Variants in UBE4B observed in about 807,000 individuals in gnomAD.
The protein encoded by UBE4B is ubiquitin conjugation factor E4 B.
UBE4B carries 27 observed loss-of-function variants against 148.1 expected under a neutral mutation model. The ratio of observed to expected loss-of-function variants is 0.18; its 90% CI spans 0.13 to 0.25. The LOEUF (loss-of-function observed/expected upper bound fraction) is 0.25, where lower values mean the gene tolerates loss of function less well. UBE4B is among the 10% of genes least tolerant of loss of function. The pLI is 1.00. For missense variants in UBE4B, 1,170 were observed against 1,662.4 expected, an observed-to-expected ratio of 0.70 and a Z score of 5.15; for synonymous variants, 596 against 619.3, an observed-to-expected ratio of 0.96 and a Z score of 0.56.
chr1:10,095,344 C>A, intron 2 of UBE4B, 117 bp from the exon 3 acceptor site: 2 of 1,197,844 alleles, frequency 1.7e-6, no homozygotes, highest in Non-Finnish European at 2.3e-6. Context: ...AGAAATTCCT[C>A]GGTTGCTGCA....
chr1:10,111,421 G>T (rs1019006509), intron 7 of UBE4B, among the ~76,000 whole-genome samples: 2 of 152,088 alleles, frequency 1.3e-5, no homozygotes, highest in African/African-American at 4.8e-5. Flanking sequence ...CTAGACAGCT[G>T]TATGGCCGGC....
intron 10 of UBE4B, among the ~76,000 whole-genome samples, chr1:10,126,314 GA>G (rs1259844182): frequency 6.7e-6 from 1 of 150,082 alleles, no homozygotes; most frequent in African/African-American, 2.5e-5. Context: ...TAGATAGATA[GA>G]TAGATAGATA....
At position 10,132,457 on chromosome 1, in the gene UBE4B, C is replaced by T; in HGVS notation, c.2000C>T (p.Ala667Val). 6.2e-6 allele frequency: 10 copies of T among 1,614,084 alleles called. No individual in the cohort carries two copies. Among genetic ancestry groups the T allele is most frequent in the Non-Finnish European group, 7.6e-6 (9 of 1,179,990 alleles). Reference sequence around the variant, plus strand: ...AGTTACATGGCGGCTGTCGTCAATGCCAATATGAAGAAAGCACAGATGCAG... The same window carrying T: ...AGTTACATGGCGGCTGTCGTCAATGTCAATATGAAGAAAGCACAGATGCAG... Reference protein sequence around the residue: ...ALSYMAAVVNANMKKAQMQTD... With the variant: ...ALSYMAAVVNVNMKKAQMQTD... The change falls in exon 15 of 28, where the codon GCC becomes GTC. Residue 667 changes from alanine (A) to valine (V), a missense_variant. Coordinates refer to ENST00000343090, the MANE Select transcript of UBE4B (RefSeq NM_001105562.3).
Position 10,168,996 on chromosome 1 carries a change from T to C in UBE4B, c.3333+726T>C, listed in dbSNP as rs1317129882. On this transcript the variant is annotated intron_variant, in intron 24 of 27. Transcript: ENST00000343090. This position sits in a 1 kb window ranked among gnomAD's most constrained non-coding sequence, Gnocchi z 4.9. ...GACCGTGTAAAATCTTTGGCTCTCTTAGCTGTACCTTTGTTACACTCAGGA... is the reference window on the plus strand; with the variant it reads ...GACCGTGTAAAATCTTTGGCTCTCTCAGCTGTACCTTTGTTACACTCAGGA... Among the ~76,000 whole-genome samples, 1 of 152,202 alleles carries C rather than the reference T, an allele frequency of 6.6e-6. No individual in the cohort carries two copies. The highest frequency in any genetic ancestry group is 1.9e-4 in the East Asian group (1 of 5,208).
chr1:10,051,332 G>A (rs1198228624), intron 1 of UBE4B, among the ~76,000 whole-genome samples: 2 of 152,236 alleles, frequency 1.3e-5, no homozygotes, highest in African/African-American at 2.4e-5. Context: ...GCATGGTGTA[G>A]TGACCTGGCC....
chr1:10,145,754 G>A (rs948816739), intron 18 of UBE4B, among the ~76,000 whole-genome samples: 5 of 152,146 alleles, frequency 3.3e-5, no homozygotes, highest in Admixed American at 1.3e-4. Context: ...ATCTGTGGTA[G>A]TGGAAAGATC....
At chr1:10,158,597 C>T in intron 22 of UBE4B, 115 bp downstream of exon 22, 1 of 1,367,064 alleles carries the variant, frequency 7.3e-7, no homozygotes, top group South Asian at 1.5e-5. Context: ...GTCTCAGACT[C>T]CTTTGAGTTT....
chr1:10,163,589 A>G (rs1480256447), intron 23 of UBE4B, among the ~76,000 whole-genome samples: 1 of 151,352 alleles, frequency 6.6e-6, no homozygotes, highest in African/African-American at 2.4e-5. Flanking sequence ...AATTGCTTGA[A>G]CCCGGGAGGC....
chr1:10,043,720 G>A (rs188337770), intron 1 of UBE4B, among the ~76,000 whole-genome samples: 58 of 152,244 alleles, frequency 3.8e-4, no homozygotes, highest in African/African-American at 1.3e-3. Flanking sequence ...GATCCAACGC[G>A]CTGGGCCGGG....
chr1:10,063,546 C>A lies in UBE4B; in HGVS notation c.25-8482C>A, dbSNP rs77407959. 4.4e-3 allele frequency among the ~76,000 whole-genome samples: 666 copies of A among 152,246 alleles called. 15 individuals are homozygous for A. The East Asian group carries it at 0.065, about 15-fold the overall frequency. ...AGCTGTCCCTTTCCTATGCCCATTG[C>A]GCAGGCTTGCTTGTGGCCTGCCTCC... On this transcript the variant is annotated intron_variant, in intron 1 of 27. Coordinates refer to ENST00000343090, the MANE Select transcript of UBE4B (RefSeq NM_001105562.3).
intron 11 of UBE4B, among the ~76,000 whole-genome samples, chr1:10,127,698 A>T (rs74474963): frequency 6.6e-6 from 1 of 152,132 alleles, no homozygotes; most frequent in Non-Finnish European, 1.5e-5. Flanking sequence ...CACTGATTGG[A>T]TTCCATTATA....
At chr1:10,125,527 A>G (rs1443126464) in intron 10 of UBE4B, among the ~76,000 whole-genome samples, 1 of 152,180 alleles carries the variant, frequency 6.6e-6, no homozygotes, top group Non-Finnish European at 1.5e-5. Context: ...GTGCTCTTTA[A>G]ATTATTAAGG....
intron 1 of UBE4B, among the ~76,000 whole-genome samples, chr1:10,056,977 C>T (rs1315391740): frequency 6.6e-6 from 1 of 151,986 alleles, no homozygotes; most frequent in Non-Finnish European, 1.5e-5. Flanking sequence ...CCACACCTGG[C>T]TCATTTTTGT....
chr1:10,053,578 C>T (rs902003975), intron 1 of UBE4B, among the ~76,000 whole-genome samples: 3 of 152,204 alleles, frequency 2.0e-5, no homozygotes, highest in East Asian at 1.9e-4. Flanking sequence ...AAGCGTGTAC[C>T]GTGGTGGTTT....
chr1:10,081,416 T>C (rs1194584405), intron 2 of UBE4B, among the ~76,000 whole-genome samples: 1 of 151,838 alleles, frequency 6.6e-6, no homozygotes, highest in Non-Finnish European at 1.5e-5. Context: ...CCATATCCTA[T>C]TATAATTGGT....
At chr1:10,124,652 G>A (rs191332176) in intron 10 of UBE4B, among the ~76,000 whole-genome samples, 1 of 152,170 alleles carries the variant, frequency 6.6e-6, no homozygotes, top group African/African-American at 2.4e-5. Context: ...TTTTTGTCTT[G>A]AAAGAGTGGC....
At position 10,161,659 on chromosome 1, in the gene UBE4B, T is replaced by G. The variant is rs2102010473; in HGVS notation, c.3198+373T>G. Among the ~76,000 whole-genome samples, 1 of 152,352 alleles carries G rather than the reference T, an allele frequency of 6.6e-6. No homozygotes were observed. The highest frequency in any genetic ancestry group is 2.1e-4 in the South Asian group (1 of 4,830). ...AATTTGATTTGTTCCTATGGGCTTCTCTAGGCAACTGTGTGAATCACTCAG... is the reference window on the plus strand; with the variant it reads ...AATTTGATTTGTTCCTATGGGCTTCGCTAGGCAACTGTGTGAATCACTCAG... On this transcript the variant is annotated intron_variant, in intron 23 of 27. Coordinates refer to ENST00000343090, the MANE Select transcript of UBE4B (RefSeq NM_001105562.3). The surrounding 1 kb of genome is among the most constrained non-coding windows in gnomAD (Gnocchi z 4.1).
At chr1:10,070,502 G>A (rs563075430) in intron 1 of UBE4B, among the ~76,000 whole-genome samples, 1 of 148,584 alleles carries the variant, frequency 6.7e-6, no homozygotes, top group East Asian at 2.0e-4. Flanking sequence ...CCTCTCCCGA[G>A]CTGCTTCCTG....
chr1:10,035,889 G>A (rs1167188539), intron 1 of UBE4B, among the ~76,000 whole-genome samples: 1 of 149,986 alleles, frequency 6.7e-6, no homozygotes, highest in Non-Finnish European at 1.5e-5. Flanking sequence ...GACTACAGGC[G>A]CCCGCCACCA....
Sources: allele counts gnomAD v4.1 joint callset (sites outside exome capture counted in the v4.1 genomes callset), GRCh38; gene constraint gnomAD v4.1.1; non-coding constraint Gnocchi (gnomAD v3.1); transcripts MANE v1.5; gene names NCBI Gene and HGNC (gene_info 2026-07-23, HGNC 2026-07-21).